ARG2: variants seen among roughly 807,000 people sequenced by gnomAD.
The protein encoded by ARG2 is arginase 2.
ARG2 carries 21 observed loss-of-function variants against 39.4 expected under a neutral mutation model. The ratio of observed to expected loss-of-function variants is 0.53; its 90% CI spans 0.38 to 0.77. The LOEUF (loss-of-function observed/expected upper bound fraction) is 0.77. ARG2 is among the 30% of genes least tolerant of loss of function. The pLI is 0.00. For synonymous variants in ARG2, 150 were observed against 156.7 expected, an observed-to-expected ratio of 0.96 and a Z score of 0.32; for missense variants, 378 against 426.2, an observed-to-expected ratio of 0.89 and a Z score of 1.00.
chr14:67,633,571 CTCATT>C lies in ARG2; in HGVS notation c.185-8613_185-8609del, dbSNP rs1486724689. Among the ~76,000 whole-genome samples, 7 of 152,290 alleles carry C rather than the reference CTCATT, an allele frequency of 4.6e-5. No homozygotes were observed. The East Asian group carries it at 1.4e-3, about 29-fold the overall frequency. On this transcript the variant is annotated intron_variant, in intron 2 of 7. Coordinates refer to ENST00000261783, the MANE Select transcript of ARG2 (RefSeq NM_001172.4). Reference sequence around the variant, plus strand: ...TCTATTGCTGGACACTCTGTTCCCTCTCATTTATTTCTTTAGCTTCCTGTGGCACT... The same window carrying C: ...TCTATTGCTGGACACTCTGTTCCCTCTATTTCTTTAGCTTCCTGTGGCACT...
chr14:67,648,330 G>C, intron 7 of ARG2, 147 bp downstream of exon 7: 2 of 864,712 alleles, frequency 2.3e-6, no homozygotes, highest in Non-Finnish European at 3.4e-6. Context: ...ATATGGCCAT[G>C]CTAATAAAAA....
chr14:67,625,648 C>A (rs1249407340), intron 2 of ARG2, among the ~76,000 whole-genome samples: 1 of 141,508 alleles, frequency 7.1e-6, no homozygotes, highest in East Asian at 2.0e-4. Flanking sequence ...CCATTGCAGT[C>A]CAGCCTGGGC....
rs1054627290 is a variant in ARG2, at chr14:67,645,657, C to T, written c.377C>T (p.Thr126Ile). 1 of 1,613,194 alleles carries T rather than the reference C, an allele frequency of 6.2e-7. No homozygotes were observed. The highest frequency in any genetic ancestry group is 8.5e-7 in the Non-Finnish European group (1 of 1,179,736). ...GTTCTTTGCAGCCTGGCAATCGGTA[C>T]CATTAGTGGCCATGCCCGACACTGC... ...LGGDHSLAIGTISGHARHCPD... is the reference protein window; with the variant it reads ...LGGDHSLAIGIISGHARHCPD... The change falls in exon 4 of 8, where the codon ACC (threonine) becomes ATC (isoleucine). Residue 126 changes from threonine to isoleucine, a missense_variant. Physicochemically the swap from Thr to Ile is moderately conservative, Grantham distance 89. Coordinates refer to ENST00000261783, the MANE Select transcript of ARG2 (RefSeq NM_001172.4).
chr14:67,633,911 C>G (rs2036944219), intron 2 of ARG2, among the ~76,000 whole-genome samples: 1 of 152,202 alleles, frequency 6.6e-6, no homozygotes, highest in Non-Finnish European at 1.5e-5. Flanking sequence ...CCTGACCCTT[C>G]TCTTCCTGGG....
chr14:67,644,482 T>C (rs551556308), intron 3 of ARG2, among the ~76,000 whole-genome samples: 1 of 152,330 alleles, frequency 6.6e-6, no homozygotes, highest in East Asian at 1.9e-4. Flanking sequence ...GTGTGGGACA[T>C]GGCACCTAGA....
chr14:67,622,809 C>G (rs1339546600), intron 2 of ARG2, among the ~76,000 whole-genome samples: 2 of 152,234 alleles, frequency 1.3e-5, no homozygotes, highest in Non-Finnish European at 2.9e-5. Context: ...TTAAGAGATT[C>G]CTGACAAGAA....
intron 2 of ARG2, among the ~76,000 whole-genome samples, chr14:67,636,564 T>C (rs1283497935): frequency 6.6e-6 from 1 of 152,246 alleles, no homozygotes; most frequent in African/African-American, 2.4e-5. Flanking sequence ...TTCACAGATA[T>C]TGCTAAGGTC....
At chr14:67,625,118 T>C (rs1396632542) in intron 2 of ARG2, among the ~76,000 whole-genome samples, 1 of 151,854 alleles carries the variant, frequency 6.6e-6, no homozygotes, top group Non-Finnish European at 1.5e-5. Flanking sequence ...GAAAGAATAG[T>C]CTTCAGTAAA....
At chr14:67,639,629 C>T (rs996887817) in intron 2 of ARG2, among the ~76,000 whole-genome samples, 2 of 152,114 alleles carry the variant, frequency 1.3e-5, no homozygotes, top group African/African-American at 4.8e-5. Context: ...CATTCAAGAT[C>T]TGTACAGTAC....
Position 67,651,564 on chromosome 14 carries a change from C to T in ARG2, c.*644C>T, listed in dbSNP as rs748645244. 21 of 1,463,470 alleles carry T rather than the reference C, an allele frequency of 1.4e-5. No homozygotes were observed. The highest frequency in any genetic ancestry group is 1.3e-4 in the African/African-American group (9 of 71,292). The allele number at this position is 1,463,470 out of a possible 1,614,324, so 90.7% of individuals were successfully genotyped here. A position where few individuals can be genotyped will look rare whatever the true frequency, so the allele number is the denominator to read the frequency against. ...CATTTTGGGGTTAGACCTGGGACCACGGCTGGATACTCTGAGGCTGTATGT... is the reference window on the plus strand; with the variant it reads ...CATTTTGGGGTTAGACCTGGGACCATGGCTGGATACTCTGAGGCTGTATGT... On this transcript the variant is annotated 3_prime_UTR_variant, in exon 8 of 8. Coordinates refer to ENST00000261783, the MANE Select transcript of ARG2 (RefSeq NM_001172.4).
rs200692340 is a variant in ARG2 at position 67,651,493 on chromosome 14, A to C, written c.*573A>C. On this transcript the variant is annotated 3_prime_UTR_variant, in exon 8 of 8. Coordinates refer to ENST00000261783, the MANE Select transcript of ARG2 (RefSeq NM_001172.4). The stretch of plus-strand genomic sequence containing the variant: ...TGTTGGTTGTCACTCTACAAAGAGA[A>C]GCAAAGTGGGGAGTAGTCAGAAGTT... 1.2e-6 allele frequency: 2 copies of C among 1,613,168 alleles called. No homozygotes were observed. The highest frequency in any genetic ancestry group is 1.7e-6 in the Non-Finnish European group (2 of 1,179,320).
Position 67,645,705 on chromosome 14 carries a change from T to C in ARG2, c.425T>C (p.Val142Ala). 3 of 1,613,982 alleles carry C rather than the reference T, an allele frequency of 1.9e-6. No homozygotes were observed. Among genetic ancestry groups the C allele is most frequent in the African/African-American group, 1.3e-5 (1 of 75,002 alleles). The change falls in exon 4 of 8, where the codon GTT becomes GCT. Residue 142 changes from valine to alanine, a missense_variant. Physicochemically the swap from Val to Ala is moderately conservative, Grantham distance 64. Transcript: ENST00000261783. ...TGCCCAGACCTTTGTGTTGTCTGGG[T>C]TGATGCCCATGCTGACATCAACACA... ...RHCPDLCVVW[V>A]DAHADINTPL...
intron 2 of ARG2, among the ~76,000 whole-genome samples, chr14:67,623,665 C>T (rs1386077014): frequency 6.6e-6 from 1 of 151,106 alleles, no homozygotes; most frequent in African/African-American, 2.4e-5. Flanking sequence ...CCTCAACCTC[C>T]AAAGTAGCTG....
chr14:67,648,852 C>T (rs980401766), intron 7 of ARG2: 8 of 152,222 alleles, frequency 5.3e-5, no homozygotes, highest in Admixed American at 5.2e-4. Flanking sequence ...ATTTAAAGAA[C>T]TACCAAATCA....
At chr14:67,624,953 T>C (rs76259618) in intron 2 of ARG2, among the ~76,000 whole-genome samples, 4,854 of 152,242 alleles carry the variant, frequency 0.032, 242 homozygotes, top group African/African-American at 0.11. Context: ...GCAATCACAG[T>C]GAAACCAGGA....
At chr14:67,642,136 G>A in intron 2 of ARG2, 50 bp from the exon 3 acceptor site, 1 of 1,576,504 alleles carries the variant, frequency 6.3e-7, no homozygotes, top group Non-Finnish European at 8.7e-7. Flanking sequence ...CTAGTTAAGA[G>A]TTGGAGATAG....
chr14:67,644,708 T>C (rs2037073879), intron 3 of ARG2, among the ~76,000 whole-genome samples: 1 of 152,094 alleles, frequency 6.6e-6, no homozygotes, highest in Non-Finnish European at 1.5e-5. Context: ...TTTAAGATCT[T>C]ATATTTGAGG....
chr14:67,623,141 T>C (rs112757322), intron 2 of ARG2, among the ~76,000 whole-genome samples: 2 of 152,308 alleles, frequency 1.3e-5, no homozygotes, highest in African/African-American at 4.8e-5. Context: ...TCACCAGCAG[T>C]CTGAAATAGA....
intron 3 of ARG2, among the ~76,000 whole-genome samples, chr14:67,643,208 C>G (rs955579116): frequency 6.6e-6 from 1 of 152,132 alleles, no homozygotes; most frequent in African/African-American, 2.4e-5. Flanking sequence ...GAGCACTGTT[C>G]TGATATTTTC....
Sources: gnomAD v4.1 joint callset for allele counts (sites outside exome capture counted in the v4.1 genomes callset) on GRCh38, gnomAD v4.1.1 for gene constraint, MANE v1.5 for transcripts, NCBI Gene and HGNC (gene_info 2026-07-23, HGNC 2026-07-21) for gene names.